The following SLC17A1 variants were observed in gnomAD, a reference collection of about 807,000 sequenced individuals.
The protein encoded by SLC17A1 is solute carrier family 17 member 1.
SLC17A1 carries 51 observed loss-of-function variants against 53.5 expected under a neutral mutation model. That is an observed-to-expected ratio of 0.95 (90% CI 0.76 to 1.20). SLC17A1 has a LOEUF of 1.20. Ranked by LOEUF, SLC17A1 falls within the 50% of genes most tolerant of loss-of-function variation. The pLI is 0.00. For synonymous variants in SLC17A1, 179 were observed against 198.8 expected (o/e 0.90, Z 0.84); for missense variants, 538 against 568.2 (o/e 0.95, Z 0.54).
chr6:25,814,766 G>C (rs1382644939), intron 6 of SLC17A1, among the ~76,000 whole-genome samples: 1 of 151,988 alleles, frequency 6.6e-6, no homozygotes, highest in Non-Finnish European at 1.5e-5. Context: ...GGCGGATCAC[G>C]TGAGGTCAGG....
chr6:25,771,838 A>G, the SLC17A1 span, among the ~76,000 whole-genome samples: 1 of 152,158 alleles, frequency 6.6e-6, no homozygotes. Context: ...TAATACACAG[A>G]GAGATGCTGC....
At chr6:25,725,302 G>A in the SLC17A1 span, among the ~76,000 whole-genome samples, 2 of 151,968 alleles carry the variant, frequency 1.3e-5, no homozygotes, top group African/African-American at 4.8e-5. Flanking sequence ...TATGGCGTAA[G>A]GCTTCTTTTT....
intron 12 of SLC17A1, among the ~76,000 whole-genome samples, chr6:25,796,784 C>T (rs1275124801): frequency 6.6e-6 from 1 of 152,120 alleles, no homozygotes. Flanking sequence ...AAGTAGACAA[C>T]CATATCATCT....
At position 25,813,231 on chromosome 6, in the gene SLC17A1, G is replaced by T. The variant is rs1326084873; in HGVS notation, c.617-18C>A. On this transcript the variant is annotated intron_variant, in intron 6 of 12. Coordinates refer to ENST00000244527, the MANE Select transcript of SLC17A1 (RefSeq NM_005074.5). ...ACAAGCACCTATCAAAGCAGGGTAA[G>T]TTAGAATTGGAAGTCTCTGTTTGTA... The T allele has an allele frequency of 6.3e-7, 1 of 1,594,396 alleles. No homozygotes were observed. The highest frequency in any genetic ancestry group is 1.1e-5 in the South Asian group (1 of 90,636).
intron 3 of SLC17A1, among the ~76,000 whole-genome samples, chr6:25,826,092 A>C (rs1764730405): frequency 6.6e-6 from 1 of 152,122 alleles, no homozygotes; most frequent in Non-Finnish European, 1.5e-5. Context: ...CAGAGATGAA[A>C]TTAATGAAAC....
chr6:25,735,379 T>C, the SLC17A1 span, among the ~76,000 whole-genome samples: 1 of 152,192 alleles, frequency 6.6e-6, no homozygotes, highest in Non-Finnish European at 1.5e-5. Flanking sequence ...GATTACCCTC[T>C]AAAGTGGGTG....
the SLC17A1 span, among the ~76,000 whole-genome samples, chr6:25,725,037 T>C: frequency 1.4e-3 from 200 of 144,302 alleles, 1 homozygote; most frequent in East Asian, 0.018. Flanking sequence ...TTTTTTGAGG[T>C]AAGGTCAACT....
rs1763380858 is a variant in SLC17A1 at position 25,786,288 on chromosome 6, T to A, written c.*3-3070A>T. Among the ~76,000 whole-genome samples, 3 of 152,174 alleles carry A rather than the reference T, an allele frequency of 2.0e-5. No homozygotes were observed. In the South Asian group the frequency reaches 6.2e-4, roughly 32 times the overall value. On this transcript the variant is annotated intron_variant, in intron 12 of 12. Transcript: ENST00000244527. Reference sequence around the variant, plus strand: ...GGCAAATCAATATAGACAAATTATATCAATGGTTGCTTAGAGCCTAGTCTG... The same window carrying A: ...GGCAAATCAATATAGACAAATTATAACAATGGTTGCTTAGAGCCTAGTCTG...
At chr6:25,746,816 G>A in the SLC17A1 span, among the ~76,000 whole-genome samples, 1 of 152,100 alleles carries the variant, frequency 6.6e-6, no homozygotes, top group Non-Finnish European at 1.5e-5. Flanking sequence ...ACCAGGGTTG[G>A]CCTGTGCAAC....
chr6:25,799,040 C>A, intron 11 of SLC17A1, 121 bp from the exon 12 acceptor site: 1 of 870,614 alleles, frequency 1.1e-6, no homozygotes, highest in East Asian at 2.7e-5. Context: ...GAAAAACATA[C>A]TTATACATAG....
chr6:25,818,167 G>A (rs1351113904), intron 6 of SLC17A1, among the ~76,000 whole-genome samples: 2 of 152,176 alleles, frequency 1.3e-5, no homozygotes, highest in Non-Finnish European at 2.9e-5. Flanking sequence ...GCAGAGATGA[G>A]AGGGAGAGAA....
At chr6:25,777,762 C>T in the SLC17A1 span, 1 of 603,860 alleles carries the variant, frequency 1.7e-6, no homozygotes, top group East Asian at 2.7e-5. Context: ...TTCACCAAGG[C>T]TTACACAATT....
At chr6:25,815,461 G>A (rs932235496) in intron 6 of SLC17A1, among the ~76,000 whole-genome samples, 2 of 151,476 alleles carry the variant, frequency 1.3e-5, no homozygotes, top group African/African-American at 4.8e-5. Flanking sequence ...ACTATTTTTT[G>A]TTTTCTGAGA....
chr6:25,820,766 G>A (rs959000689), intron 3 of SLC17A1, among the ~76,000 whole-genome samples: 2 of 151,916 alleles, frequency 1.3e-5, no homozygotes, highest in African/African-American at 4.8e-5. Flanking sequence ...GGGCGTGGTT[G>A]CAGGCACCTG....
the SLC17A1 span, chr6:25,726,906 G>A: frequency 1.7e-5 from 27 of 1,609,478 alleles, no homozygotes; most frequent in South Asian, 4.4e-5. Flanking sequence ...GTGTGTGGTA[G>A]CTATGCCGGA....
chr6:25,800,264 C>T (rs944086136), intron 11 of SLC17A1, among the ~76,000 whole-genome samples: 1 of 151,800 alleles, frequency 6.6e-6, no homozygotes, highest in Admixed American at 6.6e-5. Context: ...ATAGATTACC[C>T]AGGATAGGCA....
chr6:25,796,414 C>T (rs998016934), intron 12 of SLC17A1, among the ~76,000 whole-genome samples: 3 of 151,588 alleles, frequency 2.0e-5, no homozygotes, highest in South Asian at 2.1e-4. Context: ...GATTTAATAC[C>T]GACTCAATTT....
chr6:25,787,572 A>G (rs1763410362), intron 12 of SLC17A1, among the ~76,000 whole-genome samples: 1 of 152,186 alleles, frequency 6.6e-6, no homozygotes, highest in African/African-American at 2.4e-5. Context: ...CTGCTTTCTC[A>G]TAGTTGTTTG....
Position 25,819,047 on chromosome 6 carries a change from AT to A in SLC17A1, c.616+20del. ...TTTTAGATTCTGAATAATAACTAGG[AT>A]TTTACAGAAAGAGACTCACCAAAAA... On this transcript the variant is annotated intron_variant, in intron 6 of 12. Transcript: ENST00000244527. The A allele has an allele frequency of 6.6e-7, 1 of 1,520,080 alleles. No homozygotes were observed. Among genetic ancestry groups the A allele is most frequent in the Non-Finnish European group, 8.9e-7 (1 of 1,124,512 alleles). 94.2% of individuals were successfully genotyped at this position (1,520,080 alleles called of 1,614,324 possible). A position where few individuals can be genotyped will look rare whatever the true frequency, so the allele number is the denominator to read the frequency against.
Sources: gnomAD v4.1 joint callset for allele counts (sites outside exome capture counted in the v4.1 genomes callset) on GRCh38, gnomAD v4.1.1 for gene constraint, MANE v1.5 for transcripts, NCBI Gene and HGNC (gene_info 2026-07-23, HGNC 2026-07-21) for gene names.